AFG2A: variants seen among roughly 807,000 people sequenced by gnomAD.
The protein encoded by AFG2A is AAA ATPase AFG2A.
the AFG2A span, among the ~76,000 whole-genome samples, chr4:123,163,123 CAGA>C: frequency 6.6e-6 from 1 of 152,126 alleles, no homozygotes; most frequent in African/African-American, 2.4e-5. Context: ...AAGCTGAACT[CAGA>C]TTATCTGTAA....
At chr4:123,189,534 A>G in the AFG2A span, among the ~76,000 whole-genome samples, 9 of 152,118 alleles carry the variant, frequency 5.9e-5, no homozygotes, top group African/African-American at 2.2e-4. Flanking sequence ...TCTTAATCAG[A>G]TCAAGTTTTT....
chr4:123,128,507 T>A, the AFG2A span, among the ~76,000 whole-genome samples: 7 of 152,188 alleles, frequency 4.6e-5, no homozygotes, highest in African/African-American at 1.7e-4. Flanking sequence ...AGAAGTAATT[T>A]GGGGAGATTG....
At chr4:123,235,671 T>G in the AFG2A span, among the ~76,000 whole-genome samples, 1 of 152,184 alleles carries the variant, frequency 6.6e-6, no homozygotes, top group Non-Finnish European at 1.5e-5. Flanking sequence ...GTCAAATAAA[T>G]CATTCCTTTT....
At chr4:123,289,297 G>A in the AFG2A span, among the ~76,000 whole-genome samples, 5 of 152,136 alleles carry the variant, frequency 3.3e-5, no homozygotes, top group South Asian at 2.1e-4. Flanking sequence ...GAGTTACATC[G>A]CTTAGAATGA....
At chr4:123,099,777 A>G in the AFG2A span, among the ~76,000 whole-genome samples, 1 of 151,738 alleles carries the variant, frequency 6.6e-6, no homozygotes, top group South Asian at 2.1e-4. Flanking sequence ...TAAATCTACA[A>G]TTGTTATTAC....
At chr4:123,186,497 A>G in the AFG2A span, among the ~76,000 whole-genome samples, 3 of 152,198 alleles carry the variant, frequency 2.0e-5, no homozygotes, top group Non-Finnish European at 2.9e-5. Context: ...GTTGAAGCTG[A>G]ATGCCTTCTT....
the AFG2A span, among the ~76,000 whole-genome samples, chr4:123,019,516 G>A: frequency 4.6e-5 from 7 of 152,012 alleles, no homozygotes; most frequent in Admixed American, 2.6e-4. Context: ...ATAATTTCTT[G>A]TAGGCTATAC....
the AFG2A span, among the ~76,000 whole-genome samples, chr4:123,163,836 G>A: frequency 6.6e-6 from 1 of 152,172 alleles, no homozygotes; most frequent in Non-Finnish European, 1.5e-5. Flanking sequence ...GAAGTAAAGA[G>A]TTTAAGTGAC....
the AFG2A span, among the ~76,000 whole-genome samples, chr4:123,255,715 CTATTTTTTTT>C: frequency 1.9e-5 from 2 of 103,910 alleles, no homozygotes; most frequent in Admixed American, 1.1e-4. Context: ...TACTGCTTTT[CTATTTTTTTT>C]TTTTTTTTTT....
the AFG2A span, chr4:123,090,543 G>C: frequency 6.2e-7 from 1 of 1,610,782 alleles, no homozygotes; most frequent in Non-Finnish European, 8.5e-7. Context: ...TTGAAGATAA[G>C]TAAAGATATT....
the AFG2A span, among the ~76,000 whole-genome samples, chr4:123,288,843 C>T: frequency 6.6e-6 from 1 of 152,242 alleles, no homozygotes; most frequent in South Asian, 2.1e-4. Context: ...GTTTCAACCC[C>T]TGTCACATTC....
chr4:123,298,141 G>A, the AFG2A span, among the ~76,000 whole-genome samples: 11 of 151,482 alleles, frequency 7.3e-5, no homozygotes, highest in African/African-American at 2.7e-4. Flanking sequence ...ACTTGATTTG[G>A]TGCATAGGAA....
At chr4:123,217,100 T>C in the AFG2A span, among the ~76,000 whole-genome samples, 1 of 152,194 alleles carries the variant, frequency 6.6e-6, no homozygotes, top group Non-Finnish European at 1.5e-5. Context: ...GTACATAGCC[T>C]TGGTATTTAC....
At chr4:123,207,285 CTTTTTTTTTTTTT>C in the AFG2A span, among the ~76,000 whole-genome samples, 1 of 108,486 alleles carries the variant, frequency 9.2e-6, no homozygotes, top group African/African-American at 3.5e-5. Flanking sequence ...GTTGTGTTTC[CTTTTTTTTTTTTT>C]TTTTTTTTGT....
At chr4:123,007,629 T>C in the AFG2A span, among the ~76,000 whole-genome samples, 63,869 of 98,884 alleles carry the variant, frequency 0.65, 20,703 homozygotes, top group Non-Finnish European at 0.73. Context: ...TATATATATA[T>C]ACACACACAC....
chr4:122,974,848 C>G, the AFG2A span, among the ~76,000 whole-genome samples: 4 of 152,060 alleles, frequency 2.6e-5, no homozygotes, highest in Non-Finnish European at 5.9e-5. Context: ...CCATGTTGGT[C>G]AGGCTGGTCT....
At chr4:123,306,871 C>A in the AFG2A span, among the ~76,000 whole-genome samples, 1 of 152,194 alleles carries the variant, frequency 6.6e-6, no homozygotes, top group African/African-American at 2.4e-5. Context: ...ATAGCAAAAG[C>A]AATCTTGCTG....
At chr4:123,225,649 C>T in the AFG2A span, among the ~76,000 whole-genome samples, 1 of 152,176 alleles carries the variant, frequency 6.6e-6, no homozygotes, top group Non-Finnish European at 1.5e-5. Context: ...TAGCATGATG[C>T]CTCCAGCTTT....
chr4:123,179,409 T>C, the AFG2A span, among the ~76,000 whole-genome samples: 1 of 152,210 alleles, frequency 6.6e-6, no homozygotes, highest in Non-Finnish European at 1.5e-5. Context: ...ATTATGATCT[T>C]GGCTTACTGT....
Sources: gnomAD v4.1 joint callset for allele counts (sites outside exome capture counted in the v4.1 genomes callset) on GRCh38, gnomAD v4.1.1 for gene constraint, MANE v1.5 for transcripts, NCBI Gene and HGNC (gene_info 2026-07-23, HGNC 2026-07-21) for gene names.